MEGF11: variants seen among roughly 807,000 people sequenced by gnomAD.
The protein encoded by MEGF11 is multiple EGF like domains 11.
In MEGF11, 126 loss-of-function variants were observed where a neutral mutation model predicts 146.6. The ratio of observed to expected loss-of-function variants is 0.86; its 90% CI spans 0.74 to 1.00. The LOEUF (loss-of-function observed/expected upper bound fraction) is 1.00, where lower values mean the gene tolerates loss of function less well. Among genes scored for constraint, MEGF11 ranks in the 50% least tolerant of loss-of-function variants. The probability of loss-of-function intolerance (pLI) is 0.00; values close to 1 mark genes in which losing one functional copy is unlikely to be tolerated. For missense variants in MEGF11, 1,509 were observed against 1,521.2 expected (o/e 0.99, Z 0.13); for synonymous variants, 532 against 583.4 (o/e 0.91, Z 1.27).
At position 66,033,078 on chromosome 15, in the gene MEGF11, C is replaced by CAAAAAAAAAAAAAA. The variant is rs60932678; in HGVS notation, c.395-50604_395-50591dup. Among the ~76,000 whole-genome samples, 55 of 80,604 alleles carry CAAAAAAAAAAAAAA rather than the reference C, an allele frequency of 6.8e-4. 1 individual carries two copies. Among genetic ancestry groups the CAAAAAAAAAAAAAA allele is most frequent in the African/African-American group, 2.3e-3 (43 of 18,668 alleles). The allele number at this position is 80,604 out of a possible 152,430, so 52.9% of individuals were successfully genotyped here. A position where few individuals can be genotyped will look rare whatever the true frequency, so the allele number is the denominator to read the frequency against. On this transcript the variant is annotated intron_variant, in intron 5 of 25. Coordinates refer to ENST00000395614, the MANE Select transcript of MEGF11 (RefSeq NM_001385028.1). ...CCTGGGTGACAGAGTGAGACTCCATCAAAAAAAAAAAAAAAAAAAAAAAAA... is the reference window on the plus strand; with the variant it reads ...CCTGGGTGACAGAGTGAGACTCCATCAAAAAAAAAAAAAAAAAAAAAAAAAAAAAAAAAAAAAAA...
chr15:65,994,823 G>A (rs894275913), intron 5 of MEGF11, among the ~76,000 whole-genome samples: 1 of 152,244 alleles, frequency 6.6e-6, no homozygotes, highest in Admixed American at 6.5e-5. Context: ...GGAATTCACA[G>A]TTGTGCCACC....
At chr15:66,123,828 A>G in intron 3 of MEGF11, 71 bp downstream of exon 3, 2 of 1,309,302 alleles carry the variant, frequency 1.5e-6, no homozygotes, top group Non-Finnish European at 2.2e-6. Flanking sequence ...GCCTTTTTCT[A>G]ACTTGCACAG....
intron 5 of MEGF11, among the ~76,000 whole-genome samples, chr15:66,079,021 A>G (rs1207018205): frequency 6.6e-6 from 1 of 152,190 alleles, no homozygotes; most frequent in East Asian, 1.9e-4. Context: ...CACACGTGCC[A>G]GGGCCCTGCC....
intron 1 of MEGF11, among the ~76,000 whole-genome samples, chr15:66,160,244 T>C (rs1355529122): frequency 1.1e-4 from 8 of 71,364 alleles, no homozygotes; most frequent in South Asian, 7.4e-4. Context: ...GGAAAAGCCC[T>C]CTCTCTCTCT....
intron 8 of MEGF11, among the ~76,000 whole-genome samples, chr15:65,969,669 T>A (rs2081236066): frequency 6.6e-6 from 1 of 152,186 alleles, no homozygotes; most frequent in Admixed American, 6.5e-5. Flanking sequence ...TCAGCCTACA[T>A]CCCGGCTTTC....
chr15:65,911,255 C>T (rs1567151466), intron 21 of MEGF11, among the ~76,000 whole-genome samples: 1 of 152,314 alleles, frequency 6.6e-6, no homozygotes, highest in East Asian at 1.9e-4. Flanking sequence ...ATTCAGACTG[C>T]AACAAACGGT....
intron 10 of MEGF11, among the ~76,000 whole-genome samples, chr15:65,946,484 C>T (rs1307238466): frequency 6.6e-6 from 1 of 152,198 alleles, no homozygotes; most frequent in African/African-American, 2.4e-5. Context: ...CGGCTCACTG[C>T]AAGATTCAAG....
At chr15:65,935,254 A>G (rs1311919724) in intron 10 of MEGF11, among the ~76,000 whole-genome samples, 9 of 131,944 alleles carry the variant, frequency 6.8e-5, no homozygotes, top group Non-Finnish European at 9.3e-5. Context: ...CGGGAGGTGG[A>G]GATTGCAGTG....
chr15:66,099,553 A>G (rs1230564792), intron 4 of MEGF11, among the ~76,000 whole-genome samples: 1 of 152,138 alleles, frequency 6.6e-6, no homozygotes, highest in Non-Finnish European at 1.5e-5. Context: ...TTAAAAGCCA[A>G]GGTCCCTGCT....
chr15:66,118,795 C>A (rs1225571757), intron 4 of MEGF11, among the ~76,000 whole-genome samples: 2 of 152,214 alleles, frequency 1.3e-5, no homozygotes, highest in African/African-American at 4.8e-5. Flanking sequence ...TCTCAGAGTG[C>A]CCACTCCAGA....
chr15:66,156,416 G>A (rs767988264), intron 1 of MEGF11, among the ~76,000 whole-genome samples: 16 of 152,028 alleles, frequency 1.1e-4, no homozygotes, highest in Non-Finnish European at 2.4e-4. Context: ...AGCACCTGGT[G>A]GGTCATCGGT....
At chr15:66,238,235 C>A (rs1356048015) in intron 1 of MEGF11, among the ~76,000 whole-genome samples, 1 of 152,026 alleles carries the variant, frequency 6.6e-6, no homozygotes, top group Non-Finnish European at 1.5e-5. Context: ...CCACCCTGAG[C>A]TGATCTAGGC....
chr15:66,022,691 G>C (rs910181600), intron 5 of MEGF11, among the ~76,000 whole-genome samples: 2 of 151,932 alleles, frequency 1.3e-5, no homozygotes, highest in Non-Finnish European at 2.9e-5. Context: ...TAGCTGAGGC[G>C]TGGTGGCGCA....
At chr15:65,902,187 A>C (rs1253849500) in intron 24 of MEGF11, 1 of 152,242 alleles carries the variant, frequency 6.6e-6, no homozygotes, top group East Asian at 1.9e-4. Flanking sequence ...TGCCTAAAAG[A>C]ACCTCGGCCA....
At chr15:66,070,269 C>A (rs2085311378) in intron 5 of MEGF11, among the ~76,000 whole-genome samples, 1 of 152,196 alleles carries the variant, frequency 6.6e-6, no homozygotes, top group African/African-American at 2.4e-5. Context: ...TCAGGCTCAG[C>A]TGCCCCTTCA....
chr15:65,916,415 T>C, intron 17 of MEGF11, 139 bp from the exon 18 acceptor site: 1 of 1,140,998 alleles, frequency 8.8e-7, no homozygotes, highest in Non-Finnish European at 1.2e-6. Context: ...CAGAGTTGTC[T>C]CCCTGCTCAG....
intron 1 of MEGF11, among the ~76,000 whole-genome samples, chr15:66,142,694 G>A (rs780743980): frequency 3.3e-5 from 5 of 152,182 alleles, no homozygotes; most frequent in Non-Finnish European, 5.9e-5. Flanking sequence ...GAAACAGGCC[G>A]GGGACAAAAA....
chr15:66,160,985 G>A (rs1218666664), intron 1 of MEGF11, among the ~76,000 whole-genome samples: 2 of 152,156 alleles, frequency 1.3e-5, no homozygotes, highest in East Asian at 1.9e-4. Flanking sequence ...CAGGTGCAGG[G>A]AAGAGAAGTC....
rs912158740 is a variant in MEGF11, at chr15:66,017,424, C to T, written c.395-34936G>A. Among the ~76,000 whole-genome samples the T allele has an allele frequency of 5.3e-5, 8 of 152,310 alleles. No individual in the cohort carries two copies. In the South Asian group the frequency reaches 6.2e-4, roughly 12 times the overall value. Reference sequence around the variant, plus strand: ...TTTTCAGAAGGAAAAACTGACTGAGCGCCAGATGACTTACTCAAGCTTATA... The same window carrying T: ...TTTTCAGAAGGAAAAACTGACTGAGTGCCAGATGACTTACTCAAGCTTATA... On this transcript the variant is annotated intron_variant, in intron 5 of 25. Transcript: ENST00000395614.
Sources: allele counts gnomAD v4.1 joint callset (sites outside exome capture counted in the v4.1 genomes callset), GRCh38; gene constraint gnomAD v4.1.1; transcripts MANE v1.5; gene names NCBI Gene and HGNC (gene_info 2026-07-23, HGNC 2026-07-21).